Variants in UACA observed in about 807,000 individuals in gnomAD.
UACA encodes uveal autoantigen with coiled-coil domains and ankyrin repeats, also known as nuclear membrane binding protein.
UACA carries 112 observed loss-of-function variants against 160.5 expected under a neutral mutation model. That is an observed-to-expected ratio of 0.70 (90% CI 0.60 to 0.82). UACA has a LOEUF of 0.82. Ranked by LOEUF, UACA falls within the 40% of genes least tolerant of loss-of-function variation. The probability of loss-of-function intolerance (pLI) is 0.00; values close to 1 mark genes in which losing one functional copy is unlikely to be tolerated. For synonymous variants in UACA, 557 were observed against 568.4 expected (o/e 0.98, Z 0.29); for missense variants, 1,574 against 1,614.6 (o/e 0.97, Z 0.43).
At chr15:70,699,439 G>T in intron 2 of UACA, 88 bp downstream of exon 2, 1 of 1,450,206 alleles carries the variant, frequency 6.9e-7, no homozygotes, top group Non-Finnish European at 9.4e-7. Flanking sequence ...TAATAAGTAA[G>T]TTGATAACTA....
intron 1 of UACA, chr15:70,758,934 G>T (rs991229253): frequency 3.9e-5 from 6 of 152,164 alleles, no homozygotes; most frequent in Non-Finnish European, 5.9e-5. Context: ...TATCACCCAG[G>T]CTGGAGTCAC....
upstream of UACA, among the ~76,000 whole-genome samples, chr15:70,764,049 A>G (rs1467024741): frequency 6.6e-6 from 1 of 152,254 alleles, no homozygotes; most frequent in Non-Finnish European, 1.5e-5. Flanking sequence ...CAAAAATTCC[A>G]GAAATAAACA....
At chr15:70,772,641 G>GATAT in the UACA span, among the ~76,000 whole-genome samples, 1 of 152,108 alleles carries the variant, frequency 6.6e-6, no homozygotes, top group South Asian at 2.1e-4. Context: ...TCCAAGTGAG[G>GATAT]ATATATTAAG....
upstream of UACA, among the ~76,000 whole-genome samples, chr15:70,765,474 G>A (rs2030987722): frequency 1.3e-5 from 2 of 152,094 alleles, no homozygotes; most frequent in African/African-American, 4.8e-5. Flanking sequence ...CAAGTAACTG[G>A]AAGTGATCTC....
At chr15:70,713,119 C>A (rs1030423918) in intron 1 of UACA, among the ~76,000 whole-genome samples, 1 of 152,054 alleles carries the variant, frequency 6.6e-6, no homozygotes, top group Non-Finnish European at 1.5e-5. Context: ...CCGAGGCGGG[C>A]GGATCATGAG....
At chr15:70,747,830 C>T (rs1396662037) in intron 1 of UACA, among the ~76,000 whole-genome samples, 3 of 151,904 alleles carry the variant, frequency 2.0e-5, no homozygotes, top group African/African-American at 7.3e-5. Context: ...TAAATTGCAT[C>T]AAATTTCTTT....
chr15:70,702,256 C>G (rs1387562758), intron 1 of UACA: 1 of 1,062,234 alleles, frequency 9.4e-7, no homozygotes, highest in Non-Finnish European at 1.1e-6. Flanking sequence ...ACTTGAACAG[C>G]ACTCTGCATC....
At chr15:70,676,275 C>A in intron 13 of UACA, 1 of 386,782 alleles carries the variant, frequency 2.6e-6, no homozygotes, top group Admixed American at 4.0e-5. Context: ...CAATTACATG[C>A]TAGTCAATTT....
chr15:70,708,945 G>A (rs574191594), intron 1 of UACA, among the ~76,000 whole-genome samples: 7 of 152,204 alleles, frequency 4.6e-5, no homozygotes, highest in South Asian at 2.1e-4. Flanking sequence ...TTCATTCACC[G>A]TTAATAAAAT....
chr15:70,699,670 G>GA lies in UACA; in HGVS notation c.79-11_79-10insT. On this transcript the variant is annotated splice_polypyrimidine_tract_variant and intron_variant, in intron 1 of 18. Transcript: ENST00000322954. Reference sequence around the variant, plus strand: ...TCCAATCTGCTGCATGCTACAAAAAGGAAAAAAAAAAGTAAATATGGCATA... The same window carrying GA: ...TCCAATCTGCTGCATGCTACAAAAAGAGAAAAAAAAAAGTAAATATGGCATA... The GA allele has an allele frequency of 1.3e-6, 2 of 1,567,134 alleles. No individual in the cohort carries two copies. The highest frequency in any genetic ancestry group is 1.7e-6 in the Non-Finnish European group (2 of 1,159,752).
At chr15:70,770,622 A>G in the UACA span, among the ~76,000 whole-genome samples, 16 of 152,328 alleles carry the variant, frequency 1.1e-4, no homozygotes, top group African/African-American at 3.1e-4. Context: ...GGCTAGGGAG[A>G]AGCATGTTTT....
upstream of UACA, chr15:70,768,340 T>C (rs2031065397): frequency 6.6e-6 from 1 of 152,192 alleles, no homozygotes; most frequent in Non-Finnish European, 1.5e-5. Flanking sequence ...TTATGACATA[T>C]CGAGTGTGCC....
intron 1 of UACA, among the ~76,000 whole-genome samples, chr15:70,755,213 C>G (rs1481947979): frequency 2.0e-5 from 3 of 151,996 alleles, no homozygotes; most frequent in Admixed American, 2.0e-4. Context: ...ATTTTGCTGG[C>G]TATTAGCTAA....
chr15:70,658,242 T>C (rs955429053), intron 18 of UACA, among the ~76,000 whole-genome samples: 1 of 152,250 alleles, frequency 6.6e-6, no homozygotes, highest in Non-Finnish European at 1.5e-5. Flanking sequence ...TTTTAAATTA[T>C]TGTATAATAT....
rs1595897453 is a variant in UACA, at chr15:70,699,693, A to G, written c.79-33T>C. ...AAGGAAAAAAAAAAGTAAATATGGC[A>G]TACTACATTAGTTAAGATTTTTCTA... On this transcript the variant is annotated intron_variant, in intron 1 of 18. Transcript: ENST00000322954. 8.7e-6 allele frequency: 14 copies of G among 1,605,732 alleles called. No homozygotes were observed. In the East Asian group the frequency reaches 3.1e-4, roughly 36 times the overall value.
intron 2 of UACA, among the ~76,000 whole-genome samples, chr15:70,698,288 G>T (rs1308398468): frequency 6.6e-6 from 1 of 152,020 alleles, no homozygotes; most frequent in African/African-American, 2.4e-5. Context: ...AGTGATATAG[G>T]TTTCACTGAA....
At chr15:70,708,992 T>TA (rs374662313) in intron 1 of UACA, among the ~76,000 whole-genome samples, 9 of 152,322 alleles carry the variant, frequency 5.9e-5, no homozygotes, top group African/African-American at 2.2e-4. Context: ...AAAACATCGT[T>TA]ATCACCAATG....
intron 7 of UACA, 107 bp from the exon 8 acceptor site, chr15:70,684,553 T>G (rs1897640272): frequency 6.2e-6 from 7 of 1,120,416 alleles, no homozygotes; most frequent in Non-Finnish European, 7.5e-6. Context: ...CTGGATAAAC[T>G]AGATTATATA....
Position 70,655,631 on chromosome 15 carries a change from C to G in UACA, c.*1425G>C, listed in dbSNP as rs904458706. 6.6e-6 allele frequency: 1 copy of G among 152,100 alleles called. No individual in the cohort carries two copies. The highest frequency in any genetic ancestry group is 6.5e-5 in the Admixed American group (1 of 15,284). The allele number at this position is 152,100 out of a possible 1,614,324, so 9.4% of individuals were successfully genotyped here. ...ACATTAATCATAATAATTAAAGAGA[C>G]AGATATTGCTTATGTAAACCGTATA... is the stretch of plus-strand genomic sequence containing the variant. On this transcript the variant is annotated 3_prime_UTR_variant, in exon 19 of 19. Transcript: ENST00000322954.
Sources: allele counts gnomAD v4.1 joint callset (sites outside exome capture counted in the v4.1 genomes callset), GRCh38; gene constraint gnomAD v4.1.1; transcripts MANE v1.5; gene names NCBI Gene and HGNC (gene_info 2026-07-23, HGNC 2026-07-21).